The following CAMKMT variants were observed in gnomAD, a reference collection of about 807,000 sequenced individuals.
CAMKMT encodes the protein CaM KMT.
A neutral mutation model predicts 48.0 loss-of-function variants in CAMKMT; 53 were observed. The ratio of observed to expected loss-of-function variants is 1.10; its 90% CI spans 0.89 to 1.39. The LOEUF (loss-of-function observed/expected upper bound fraction) is 1.39. Among genes scored for constraint, CAMKMT ranks in the 40% most tolerant of loss-of-function variants. The pLI is 0.00. For missense variants in CAMKMT, 428 were observed against 402.7 expected (o/e 1.06, Z -0.54); for synonymous variants, 165 against 152.3 (o/e 1.08, Z -0.61).
At chr2:44,475,505 A>T (rs191216999) in intron 3 of CAMKMT, among the ~76,000 whole-genome samples, 86 of 152,040 alleles carry the variant, frequency 5.7e-4, no homozygotes, top group African/African-American at 2.0e-3. Flanking sequence ...TTTAGTAGAG[A>T]TGGGGTTTCA....
intron 3 of CAMKMT, among the ~76,000 whole-genome samples, chr2:44,632,234 C>T (rs189420136): frequency 6.6e-6 from 1 of 152,250 alleles, no homozygotes; most frequent in East Asian, 1.9e-4. Context: ...AATTATTTCT[C>T]ACTGTGCAAG....
intron 3 of CAMKMT, among the ~76,000 whole-genome samples, chr2:44,582,724 G>A (rs1325232817): frequency 6.6e-6 from 1 of 152,138 alleles, no homozygotes; most frequent in African/African-American, 2.4e-5. Flanking sequence ...GATAATGGGT[G>A]GAGTACATGA....
chr2:44,443,221 C>T (rs1376257902), intron 3 of CAMKMT, among the ~76,000 whole-genome samples: 1 of 152,156 alleles, frequency 6.6e-6, no homozygotes, highest in Non-Finnish European at 1.5e-5. Context: ...CCATTGTTAA[C>T]ACTGAACTGT....
chr2:44,766,386 C>A lies in CAMKMT; in HGVS notation c.763-44C>A, dbSNP rs377734183. On this transcript the variant is annotated intron_variant, in intron 9 of 10. Transcript: ENST00000378494. ...GACCAATGTCTGTTATGTTTGGTTA[C>A]CTTCCAGTTTTAAAATATGTGAATT... 35 of 1,610,748 alleles carry A rather than the reference C, an allele frequency of 2.2e-5. No homozygotes were observed. The African/African-American group carries it at 2.4e-4, about 11-fold the overall frequency.
chr2:44,764,378 C>T (rs1304663590), intron 9 of CAMKMT, among the ~76,000 whole-genome samples: 1 of 127,410 alleles, frequency 7.8e-6, no homozygotes, highest in Non-Finnish European at 1.7e-5. Context: ...TCTAATCTTA[C>T]ATCAGTATAA....
At chr2:44,522,136 T>C (rs1187382816) in intron 3 of CAMKMT, among the ~76,000 whole-genome samples, 1 of 152,048 alleles carries the variant, frequency 6.6e-6, no homozygotes, top group African/African-American at 2.4e-5. Flanking sequence ...GCCGAGTAGC[T>C]GGGACTACAG....
At position 44,525,185 on chromosome 2, in the gene CAMKMT, A is replaced by G. The variant is rs566811467; in HGVS notation, c.376+134880A>G. 2.0e-5 allele frequency among the ~76,000 whole-genome samples: 3 copies of G among 152,336 alleles called. No individual in the cohort carries two copies. In the South Asian group the frequency reaches 6.2e-4, roughly 32 times the overall value. On this transcript the variant is annotated intron_variant, in intron 3 of 10. Coordinates refer to ENST00000378494, the MANE Select transcript of CAMKMT (RefSeq NM_024766.5). ...TAGTAAATTAGATTATTATTTTAGA[A>G]CTGTTCATGTTTAGCTTGTTGATGA... is the stretch of plus-strand genomic sequence containing the variant.
rs113436083 is a variant in CAMKMT, at chr2:44,520,586, A to G, written c.376+130281A>G. ...CTTATTTCAAATGCAACATGATACAATGGAAAAGGCAATGGACTTAGAGTC... is the reference window on the plus strand; with the variant it reads ...CTTATTTCAAATGCAACATGATACAGTGGAAAAGGCAATGGACTTAGAGTC... On this transcript the variant is annotated intron_variant, in intron 3 of 10. Transcript: ENST00000378494. Among the ~76,000 whole-genome samples the G allele has an allele frequency of 2.9e-3, 449 of 152,304 alleles. 1 individual carries two copies. The highest frequency in any genetic ancestry group is 0.01 in the African/African-American group (427 of 41,574).
chr2:44,568,564 C>G (rs1361783689), intron 3 of CAMKMT, among the ~76,000 whole-genome samples: 1 of 152,086 alleles, frequency 6.6e-6, no homozygotes, highest in Non-Finnish European at 1.5e-5. Context: ...ATAAGCCTGA[C>G]AGGTAGCAAG....
chr2:44,726,828 C>T (rs1678814789), intron 7 of CAMKMT, among the ~76,000 whole-genome samples: 5 of 152,176 alleles, frequency 3.3e-5, no homozygotes, highest in African/African-American at 9.7e-5. Context: ...TTTTATTCTT[C>T]TGCATATGGT....
At chr2:44,474,836 G>C (rs188491199) in intron 3 of CAMKMT, among the ~76,000 whole-genome samples, 1 of 152,060 alleles carries the variant, frequency 6.6e-6, no homozygotes, top group Non-Finnish European at 1.5e-5. Context: ...CTCTATTTCC[G>C]TTTTTGCTCT....
intron 3 of CAMKMT, among the ~76,000 whole-genome samples, chr2:44,520,079 C>T (rs1468850934): frequency 4.7e-5 from 7 of 150,070 alleles, no homozygotes; most frequent in South Asian, 2.1e-4. Flanking sequence ...ATTAGCCAGG[C>T]GTGGTGGTGG....
At chr2:44,467,432 T>C (rs1222503668) in intron 3 of CAMKMT, among the ~76,000 whole-genome samples, 1 of 151,874 alleles carries the variant, frequency 6.6e-6, no homozygotes, top group African/African-American at 2.4e-5. Context: ...CTAGGGAGGA[T>C]GAGACAGGAG....
intron 6 of CAMKMT, among the ~76,000 whole-genome samples, chr2:44,714,683 C>G (rs1029783821): frequency 6.6e-6 from 1 of 152,152 alleles, no homozygotes; most frequent in African/African-American, 2.4e-5. Flanking sequence ...GAGAGGCTTG[C>G]CTTTGGACTC....
At chr2:44,686,910 G>A (rs1273146403) in intron 3 of CAMKMT, among the ~76,000 whole-genome samples, 2 of 152,200 alleles carry the variant, frequency 1.3e-5, no homozygotes, top group Non-Finnish European at 2.9e-5. Flanking sequence ...ATGTTTACTA[G>A]CCAAAACATA....
chr2:44,432,785 T>A (rs1202451486), intron 3 of CAMKMT, among the ~76,000 whole-genome samples: 1 of 151,828 alleles, frequency 6.6e-6, no homozygotes, highest in East Asian at 1.9e-4. Flanking sequence ...GTCTTCTGGT[T>A]GCTAATAGAG....
chr2:44,675,630 C>G (rs1675640995), intron 3 of CAMKMT, among the ~76,000 whole-genome samples: 2 of 152,126 alleles, frequency 1.3e-5, no homozygotes, highest in Admixed American at 1.3e-4. Context: ...ATTCTTATCT[C>G]CATTTTAAAA....
intron 3 of CAMKMT, among the ~76,000 whole-genome samples, chr2:44,621,878 T>G (rs1672214754): frequency 6.6e-6 from 1 of 152,218 alleles, no homozygotes; most frequent in African/African-American, 2.4e-5. Flanking sequence ...AAAAGACTAT[T>G]GCATTATTCT....
chr2:44,478,731 C>T (rs1169112905), intron 3 of CAMKMT, among the ~76,000 whole-genome samples: 2 of 144,502 alleles, frequency 1.4e-5, no homozygotes, highest in Non-Finnish European at 3.0e-5. Context: ...AGAGGCGTCT[C>T]GCTCTGTCGC....
Sources: allele counts gnomAD v4.1 joint callset (sites outside exome capture counted in the v4.1 genomes callset), GRCh38; gene constraint gnomAD v4.1.1; transcripts MANE v1.5; gene names NCBI Gene and HGNC (gene_info 2026-07-23, HGNC 2026-07-21).